Variants in CDH18 observed in about 807,000 individuals in gnomAD.
CDH18 encodes cadherin-18.
A neutral mutation model predicts 67.9 loss-of-function variants in CDH18; 31 were observed. The ratio of observed to expected loss-of-function variants is 0.46; its 90% CI spans 0.34 to 0.62. CDH18 has a LOEUF of 0.62. Ranked by LOEUF, CDH18 falls within the 20% of genes least tolerant of loss-of-function variation. The pLI, the probability that CDH18 is intolerant of heterozygous loss-of-function variation, is 0.01. For synonymous variants in CDH18, 362 were observed against 347.2 expected, an observed-to-expected ratio of 1.04 and a Z score of -0.48; for missense variants, 890 against 975.5, an observed-to-expected ratio of 0.91 and a Z score of 1.17.
rs1770099453 is a variant in CDH18, at chr5:19,747,053, G to A, written c.412C>T (p.Pro138Ser). 1 of 1,614,096 alleles carries A rather than the reference G, an allele frequency of 6.2e-7. No individual in the cohort carries two copies. The change falls in exon 4 of 13, where the codon CCT (proline) becomes TCT (serine). Residue 138 changes from proline to serine, a missense_variant. Around this residue, in one of 2 missense-constraint regions of CDH18, gnomAD observed 234 missense variants for 307.4 expected, o/e 0.76. Transcript: ENST00000382275. ...ATGAACTCGGATTCAGGCTCAAGAG[G>A]TTTGTTTGTACGTCTATCAATAGCT... ...AQAIDRRTNK[P>S]LEPESEFIIK...
At chr5:19,773,295 G>A (rs148827040) in intron 3 of CDH18, among the ~76,000 whole-genome samples, 169 of 152,208 alleles carry the variant, frequency 1.1e-3, no homozygotes, top group African/African-American at 3.6e-3. Flanking sequence ...CCCTTGAATG[G>A]CATGCTTTGT....
intron 4 of CDH18, among the ~76,000 whole-genome samples, chr5:19,732,320 G>C (rs1216121495): frequency 6.6e-6 from 1 of 151,762 alleles, no homozygotes; most frequent in East Asian, 1.9e-4. Flanking sequence ...CAGATGTTGT[G>C]GCACACACCT....
chr5:20,518,867 G>T (rs918479418), intron 1 of CDH18, among the ~76,000 whole-genome samples: 3 of 152,108 alleles, frequency 2.0e-5, no homozygotes, highest in African/African-American at 7.2e-5. Context: ...ACTTTGGAAG[G>T]ATAAAGATTA....
At chr5:20,535,322 G>T (rs1358981551) in intron 1 of CDH18, among the ~76,000 whole-genome samples, 1 of 151,962 alleles carries the variant, frequency 6.6e-6, no homozygotes, top group Non-Finnish European at 1.5e-5. Flanking sequence ...CCTAAAACCT[G>T]GCAGATCAGA....
chr5:19,537,800 C>T (rs2127032525), intron 9 of CDH18, among the ~76,000 whole-genome samples: 1 of 152,244 alleles, frequency 6.6e-6, no homozygotes. Flanking sequence ...TTCTCAATAT[C>T]CCTGGTGTCT....
At chr5:20,207,424 C>T (rs1739985620) in intron 2 of CDH18, among the ~76,000 whole-genome samples, 1 of 151,874 alleles carries the variant, frequency 6.6e-6, no homozygotes, top group African/African-American at 2.4e-5. Context: ...CATTTTCATG[C>T]TGCTCATAAA....
chr5:19,927,959 C>T (rs1022307991), intron 2 of CDH18, among the ~76,000 whole-genome samples: 2 of 152,148 alleles, frequency 1.3e-5, no homozygotes. Flanking sequence ...ACAAGAGATT[C>T]CATGTCTATT....
rs1415233030 is a variant in CDH18, at chr5:20,271,926, G to GAGAGAGAGAA, written c.-579-16422_-579-16421insTTCTCTCTCT. On this transcript the variant is annotated intron_variant, in intron 1 of 14. Transcript: ENST00000507958. ...ATCTGCCACTTGCTGTAGAGAGGCAGAGAGAGAGAGAGAGAGAGAGAGAGA... is the reference window on the plus strand; with the variant it reads ...ATCTGCCACTTGCTGTAGAGAGGCAGAGAGAGAGAAAGAGAGAGAGAGAGAGAGAGAGAGA... Among the ~76,000 whole-genome samples, 187 of 143,836 alleles carry GAGAGAGAGAA rather than the reference G, an allele frequency of 1.3e-3. 1 individual carries two copies. Among genetic ancestry groups the GAGAGAGAGAA allele is most frequent in the African/African-American group, 4.6e-3 (180 of 38,862 alleles). The allele number at this position is 143,836 out of a possible 152,430, so 94.4% of individuals were successfully genotyped here.
chr5:19,799,828 A>G (rs1777264004), intron 3 of CDH18, among the ~76,000 whole-genome samples: 1 of 152,156 alleles, frequency 6.6e-6, no homozygotes. Flanking sequence ...AGCACATGCA[A>G]ACTTTTCAAA....
intron 1 of CDH18, among the ~76,000 whole-genome samples, chr5:20,361,657 A>G (rs1264365021): frequency 1.3e-5 from 2 of 152,104 alleles, no homozygotes; most frequent in African/African-American, 4.8e-5. Context: ...GGGGAGTTAT[A>G]CTGGCAAATA....
At position 20,454,051 on chromosome 5, in the gene CDH18, C is replaced by A. The variant is rs149642723; in HGVS notation, c.-580+121411G>T. 7.1e-3 allele frequency among the ~76,000 whole-genome samples: 1,085 copies of A among 152,162 alleles called. 7 individuals are homozygous for A. Among genetic ancestry groups the A allele is most frequent in the African/African-American group, 0.025 (1,026 of 41,530 alleles). Reference sequence around the variant, plus strand: ...TAGAATAAATAAGAAATATGACAAACCTTTTTAGGCAGTTGTCTGAGTGTG... The same window carrying A: ...TAGAATAAATAAGAAATATGACAAAACTTTTTAGGCAGTTGTCTGAGTGTG... On this transcript the variant is annotated intron_variant, in intron 1 of 14. Transcript: ENST00000507958.
intron 2 of CDH18, among the ~76,000 whole-genome samples, chr5:19,871,906 A>T (rs2150023050): frequency 6.6e-6 from 1 of 152,296 alleles, no homozygotes; most frequent in African/African-American, 2.4e-5. Flanking sequence ...TTTAGTTAGG[A>T]TTAATGTTAA....
chr5:20,493,941 AAAAACAGC>A (rs1365441455), intron 1 of CDH18, among the ~76,000 whole-genome samples: 1 of 150,268 alleles, frequency 6.7e-6, no homozygotes, highest in Non-Finnish European at 1.5e-5. Context: ...AAACAAAAAC[AAAAACAGC>A]AAAAAAAAAA....
At chr5:20,164,144 A>T (rs1175090345) in intron 2 of CDH18, among the ~76,000 whole-genome samples, 3 of 152,196 alleles carry the variant, frequency 2.0e-5, no homozygotes, top group Non-Finnish European at 4.4e-5. Flanking sequence ...CTTTTATTGG[A>T]TCATGTTGTT....
chr5:19,890,011 T>C (rs1788618240), intron 2 of CDH18, among the ~76,000 whole-genome samples: 1 of 152,132 alleles, frequency 6.6e-6, no homozygotes, highest in Non-Finnish European at 1.5e-5. Context: ...TTGTTTCCAA[T>C]CTCTAGTATA....
chr5:20,100,753 C>G (rs1746388206), intron 2 of CDH18, among the ~76,000 whole-genome samples: 1 of 151,952 alleles, frequency 6.6e-6, no homozygotes, highest in South Asian at 2.1e-4. Context: ...GTCCATGACC[C>G]TCTTCATGGT....
At chr5:20,130,297 C>T (rs1749161858) in intron 2 of CDH18, among the ~76,000 whole-genome samples, 1 of 151,264 alleles carries the variant, frequency 6.6e-6, no homozygotes, top group Non-Finnish European at 1.5e-5. Context: ...TGGAAGGTGG[C>T]AAGTTCAAAA....
chr5:19,621,165 C>A (rs1367961179), intron 5 of CDH18, among the ~76,000 whole-genome samples: 1 of 151,160 alleles, frequency 6.6e-6, no homozygotes, highest in Non-Finnish European at 1.5e-5. Context: ...TGATATGAAA[C>A]TCATTGCACA....
Position 19,721,355 on chromosome 5 carries a change from G to C in CDH18, c.635C>G (p.Pro212Arg). 1 of 1,602,210 alleles carries C rather than the reference G, an allele frequency of 6.2e-7. No homozygotes were observed. The highest frequency in any genetic ancestry group is 8.5e-7 in the Non-Finnish European group (1 of 1,171,576). ...TGTGTAAATGCACTAACCTGTTTTA[G>C]GGTCGACGGAGAAGTAGGGTTGTCC... is the stretch of plus-strand genomic sequence containing the variant. ...LQGQPYFSVD[P>R]KTGVIRTALH... Residue 212 changes from proline (P) to arginine (R), a missense_variant, in exon 5 of 13, where the codon CCT becomes CGT. Coordinates refer to ENST00000382275, the MANE Select transcript of CDH18 (RefSeq NM_004934.5).
Sources: allele counts gnomAD v4.1 joint callset (sites outside exome capture counted in the v4.1 genomes callset), GRCh38; gene constraint gnomAD v4.1.1; regional missense constraint gnomAD v4.1.1; transcripts MANE v1.5; gene names NCBI Gene and HGNC (gene_info 2026-07-23, HGNC 2026-07-21).